The following ATP8A2 variants were observed in gnomAD, a reference collection of about 807,000 sequenced individuals.
ATP8A2 encodes the protein ATPase phospholipid transporting 8A2, also known as phospholipid-transporting ATPase IB.
Under a neutral mutation model 165.6 loss-of-function variants are expected in ATP8A2, and 100 were observed. That is an observed-to-expected ratio of 0.60 (90% CI 0.51 to 0.71). The LOEUF (loss-of-function observed/expected upper bound fraction) is 0.71, where lower values mean the gene tolerates loss of function less well. Among genes scored for constraint, ATP8A2 ranks in the 30% least tolerant of loss-of-function variants. The pLI, the probability that ATP8A2 is intolerant of heterozygous loss-of-function variation, is 0.00. For synonymous variants in ATP8A2, 543 were observed against 548.8 expected (o/e 0.99, Z 0.15); for missense variants, 1,227 against 1,479.5 (o/e 0.83, Z 2.80).
rs186036146 is a variant in ATP8A2 at position 26,020,229 on chromosome 13, G to A, written c.*244G>A. 2.4e-4 allele frequency: 128 copies of A among 541,602 alleles called. No individual in the cohort carries two copies. Among genetic ancestry groups the A allele is most frequent in the Non-Finnish European group, 1.7e-4 (51 of 303,054 alleles). The allele number at this position is 541,602 out of a possible 1,614,324, so 33.5% of individuals were successfully genotyped here. ...GCTTAGCCTAACTTTTGTTTATGTC[G>A]TTATGAAGCATTCAACTGTGCTCTG... On this transcript the variant is annotated 3_prime_UTR_variant, in exon 37 of 37. Coordinates refer to ENST00000381655, the MANE Select transcript of ATP8A2 (RefSeq NM_016529.6).
chr13:25,735,271 T>C (rs4770869), intron 25 of ATP8A2, among the ~76,000 whole-genome samples: 72,627 of 151,726 alleles, frequency 0.48, 17,520 homozygotes, highest in East Asian at 0.58. Context: ...TTTTTTGTTT[T>C]TGTTTTGAGA....
intron 24 of ATP8A2, among the ~76,000 whole-genome samples, chr13:25,694,959 A>C (rs1315216598): frequency 2.0e-5 from 3 of 152,172 alleles, no homozygotes; most frequent in Admixed American, 2.0e-4. Context: ...GATTACAGGC[A>C]TGAGCCACCA....
intron 15 of ATP8A2, among the ~76,000 whole-genome samples, chr13:25,561,644 A>G (rs966686985): frequency 6.6e-6 from 1 of 152,074 alleles, no homozygotes; most frequent in Admixed American, 6.5e-5. Flanking sequence ...GTAACATAAT[A>G]TTTATCATTT....
intron 33 of ATP8A2, among the ~76,000 whole-genome samples, chr13:25,873,670 G>A (rs145433919): frequency 0.057 from 8,038 of 140,688 alleles, 333 homozygotes; most frequent in East Asian, 0.19. Flanking sequence ...ATGGAGTCTC[G>A]CTCTGTCACC....
chr13:25,545,437 G>T (rs1355431478), intron 10 of ATP8A2, among the ~76,000 whole-genome samples: 4 of 152,002 alleles, frequency 2.6e-5, no homozygotes, highest in Non-Finnish European at 5.9e-5. Flanking sequence ...AACTCAGGAG[G>T]CTGAGATGGG....
Position 25,953,339 on chromosome 13 carries a change from G to C in ATP8A2, c.3184-8236G>C, listed in dbSNP as rs186206127. Among the ~76,000 whole-genome samples the C allele has an allele frequency of 4.6e-4, 66 of 142,102 alleles. No individual in the cohort carries two copies. Among genetic ancestry groups the C allele is most frequent in the African/African-American group, 1.8e-3 (64 of 34,898 alleles). 93.2% of individuals were successfully genotyped at this position (142,102 alleles called of 152,430 possible). The stretch of plus-strand genomic sequence containing the variant: ...AAATTTTCTTCTGTAAAATGGGGAC[G>C]GGGGGGATTAAATAAAATGCTTTAT... On this transcript the variant is annotated intron_variant, in intron 33 of 36. Transcript: ENST00000381655. This position sits in a 1 kb window ranked among gnomAD's most constrained non-coding sequence, Gnocchi z 6.7.
intron 10 of ATP8A2, among the ~76,000 whole-genome samples, chr13:25,544,897 A>G (rs975367547): frequency 2.8e-5 from 4 of 144,680 alleles, no homozygotes; most frequent in African/African-American, 1.0e-4. Flanking sequence ...AATGGCGTGA[A>G]TTTTATGAGT....
chr13:25,714,784 T>C (rs543510600), intron 25 of ATP8A2, among the ~76,000 whole-genome samples: 2 of 152,312 alleles, frequency 1.3e-5, no homozygotes, highest in Non-Finnish European at 1.5e-5. Context: ...TCTCCTTTGG[T>C]TATTTGTCCA....
intron 24 of ATP8A2, among the ~76,000 whole-genome samples, chr13:25,651,648 T>A (rs777389955): frequency 6.6e-6 from 1 of 152,180 alleles, no homozygotes; most frequent in African/African-American, 2.4e-5. Context: ...AGAATTGTGA[T>A]CAGGGGAGTT....
At chr13:25,754,071 C>A (rs1399913766) in intron 25 of ATP8A2, among the ~76,000 whole-genome samples, 1 of 152,240 alleles carries the variant, frequency 6.6e-6, no homozygotes, top group Non-Finnish European at 1.5e-5. Context: ...TGCCTTATCA[C>A]TGCGTAACGC....
At chr13:25,666,510 G>A (rs1056289848) in intron 24 of ATP8A2, among the ~76,000 whole-genome samples, 4 of 152,182 alleles carry the variant, frequency 2.6e-5, no homozygotes, top group African/African-American at 9.7e-5. Flanking sequence ...AAAGTGCTGG[G>A]ATAACAGGCG....
chr13:25,501,165 G>A (rs916406509), intron 2 of ATP8A2, among the ~76,000 whole-genome samples: 6 of 152,166 alleles, frequency 3.9e-5, no homozygotes, highest in African/African-American at 1.4e-4. Flanking sequence ...CGTTTTAATC[G>A]AGTATGGTAA....
At chr13:25,476,751 C>T (rs1380309334) in intron 2 of ATP8A2, among the ~76,000 whole-genome samples, 1 of 152,226 alleles carries the variant, frequency 6.6e-6, no homozygotes, top group African/African-American at 2.4e-5. Context: ...GATTTTCCTT[C>T]TGGGTATGCT....
chr13:25,703,609 A>G (rs577397926), intron 25 of ATP8A2, among the ~76,000 whole-genome samples: 1 of 152,062 alleles, frequency 6.6e-6, no homozygotes, highest in East Asian at 1.9e-4. Context: ...TTGAGCCATA[A>G]AAAAAAATAA....
intron 25 of ATP8A2, among the ~76,000 whole-genome samples, chr13:25,726,822 G>A (rs1212636506): frequency 1.3e-5 from 2 of 152,158 alleles, no homozygotes; most frequent in African/African-American, 4.8e-5. Flanking sequence ...ATCAATTCCA[G>A]GGAGTCCTTT....
intron 33 of ATP8A2, among the ~76,000 whole-genome samples, chr13:25,902,972 C>CACACACACACACGT (rs1491360501): frequency 6.6e-6 from 1 of 151,146 alleles, no homozygotes; most frequent in Non-Finnish European, 1.5e-5. Flanking sequence ...CACACACACA[C>CACACACACACACGT]GTAAATGCAC....
chr13:25,820,247 A>G (rs1241366393), intron 27 of ATP8A2, among the ~76,000 whole-genome samples: 1 of 152,032 alleles, frequency 6.6e-6, no homozygotes, highest in African/African-American at 2.4e-5. Flanking sequence ...TTTTTTTTCC[A>G]AGAAGGAAAA....
chr13:25,509,680 G>C lies in ATP8A2; in HGVS notation c.222-20319G>C, dbSNP rs146894671. On this transcript the variant is annotated intron_variant, in intron 2 of 36. Coordinates refer to ENST00000381655, the MANE Select transcript of ATP8A2 (RefSeq NM_016529.6). ...AAGATTCCCAAATTGTATACATGTT[G>C]TATACAAATTGCATCCAGTCTCCAC... Among the ~76,000 whole-genome samples, 386 of 151,986 alleles carry C rather than the reference G, an allele frequency of 2.5e-3. 1 individual carries two copies. Among genetic ancestry groups the C allele is most frequent in the African/African-American group, 8.6e-3 (356 of 41,438 alleles).
chr13:25,486,049 T>C (rs2036342563), intron 2 of ATP8A2, among the ~76,000 whole-genome samples: 1 of 152,252 alleles, frequency 6.6e-6, no homozygotes, highest in South Asian at 2.1e-4. Context: ...GAGGAAATGC[T>C]GAGAAAGCTG....
Sources: allele counts gnomAD v4.1 joint callset (sites outside exome capture counted in the v4.1 genomes callset), GRCh38; gene constraint gnomAD v4.1.1; non-coding constraint Gnocchi (gnomAD v3.1); transcripts MANE v1.5; gene names NCBI Gene and HGNC (gene_info 2026-07-23, HGNC 2026-07-21).